Variants in COL8A1 observed in about 807,000 individuals in gnomAD.
COL8A1 encodes the protein collagen type VIII alpha 1 chain.
In COL8A1, 21 loss-of-function variants were observed where a neutral mutation model predicts 42.7. The observed-to-expected ratio is 0.49, with a 90% CI of 0.35 to 0.71. COL8A1 has a LOEUF of 0.71. Ranked by LOEUF, COL8A1 falls within the 30% of genes least tolerant of loss-of-function variation. The pLI, the probability that COL8A1 is intolerant of heterozygous loss-of-function variation, is 0.01. For missense variants in COL8A1, 788 were observed against 962.4 expected, an observed-to-expected ratio of 0.82 and a Z score of 2.40; for synonymous variants, 367 against 369.1, an observed-to-expected ratio of 0.99 and a Z score of 0.06.
chr3:99,662,547 A>G (rs1938240732), intron 1 of COL8A1, among the ~76,000 whole-genome samples: 1 of 152,150 alleles, frequency 6.6e-6, no homozygotes, highest in African/African-American at 2.4e-5. Flanking sequence ...GATATATTTG[A>G]TCTATCTTTT....
intron 1 of COL8A1, among the ~76,000 whole-genome samples, chr3:99,712,858 A>T (rs1262007837): frequency 6.6e-6 from 1 of 152,098 alleles, no homozygotes; most frequent in East Asian, 1.9e-4. Flanking sequence ...ATTGAGCCAT[A>T]AAGGCAACTG....
intron 2 of COL8A1, among the ~76,000 whole-genome samples, chr3:99,751,737 C>T (rs1402435379): frequency 2.0e-5 from 3 of 152,102 alleles, no homozygotes; most frequent in South Asian, 2.1e-4. Flanking sequence ...GAAGGAAAGA[C>T]GCTAACAGTG....
intron 2 of COL8A1, among the ~76,000 whole-genome samples, chr3:99,759,579 A>C (rs1941326573): frequency 6.6e-6 from 1 of 152,218 alleles, no homozygotes; most frequent in African/African-American, 2.4e-5. Context: ...TCCATGTTCA[A>C]ACATAAGTAA....
chr3:99,655,564 G>T (rs1021915519), intron 1 of COL8A1, among the ~76,000 whole-genome samples: 1 of 152,142 alleles, frequency 6.6e-6, no homozygotes, highest in Admixed American at 6.5e-5. Flanking sequence ...ACTCGCTGGA[G>T]AAAAACTAAA....
intron 1 of COL8A1, among the ~76,000 whole-genome samples, chr3:99,726,114 G>C (rs1055127962): frequency 2.6e-5 from 4 of 152,108 alleles, no homozygotes; most frequent in Admixed American, 6.5e-5. Context: ...ATTCTAACTG[G>C]TGTGAGATGG....
At chr3:99,669,901 A>G (rs1332679733) in intron 1 of COL8A1, among the ~76,000 whole-genome samples, 1 of 152,038 alleles carries the variant, frequency 6.6e-6, no homozygotes, top group Admixed American at 6.6e-5. Flanking sequence ...TACATAGAGT[A>G]ATGATGAAAT....
intron 1 of COL8A1, among the ~76,000 whole-genome samples, chr3:99,710,158 T>C (rs1939795408): frequency 6.6e-6 from 1 of 152,170 alleles, no homozygotes; most frequent in African/African-American, 2.4e-5. Flanking sequence ...TTCTGAGTTA[T>C]ATGTTAAACT....
chr3:99,659,412 G>T (rs1938131549), intron 1 of COL8A1, among the ~76,000 whole-genome samples: 1 of 152,118 alleles, frequency 6.6e-6, no homozygotes, highest in Admixed American at 6.5e-5. Context: ...TATTTAATCA[G>T]CAGTGAATAA....
intron 1 of COL8A1, among the ~76,000 whole-genome samples, chr3:99,645,712 A>AT (rs1937629257): frequency 6.6e-6 from 1 of 151,648 alleles, no homozygotes; most frequent in Non-Finnish European, 1.5e-5. Context: ...AAAAAAAAAA[A>AT]TCCTAATTTA....
intron 2 of COL8A1, among the ~76,000 whole-genome samples, chr3:99,753,440 G>A (rs1241640602): frequency 2.6e-5 from 4 of 152,188 alleles, no homozygotes; most frequent in Non-Finnish European, 5.9e-5. Context: ...GCTGACTGGA[G>A]TTTTGTTAAA....
At chr3:99,658,197 C>T (rs541572107) in intron 1 of COL8A1, among the ~76,000 whole-genome samples, 1 of 152,220 alleles carries the variant, frequency 6.6e-6, no homozygotes, top group East Asian at 1.9e-4. Context: ...CCATCTCAGG[C>T]CTTCATCATC....
intron 2 of COL8A1, among the ~76,000 whole-genome samples, chr3:99,773,815 G>GTGTATATATATATATATA (rs1403823634): frequency 2.2e-4 from 8 of 35,896 alleles, no homozygotes; most frequent in Non-Finnish European, 3.0e-4. Flanking sequence ...ATATATGTGT[G>GTGTATATATATATATATA]TATATATATA....
chr3:99,699,965 T>C (rs557964632), intron 1 of COL8A1, among the ~76,000 whole-genome samples: 1 of 152,270 alleles, frequency 6.6e-6, no homozygotes, highest in Admixed American at 6.5e-5. Context: ...AATAATTAGA[T>C]GAATAAAAAA....
At chr3:99,753,239 G>A (rs1330883249) in intron 2 of COL8A1, among the ~76,000 whole-genome samples, 1 of 152,150 alleles carries the variant, frequency 6.6e-6, no homozygotes, top group Non-Finnish European at 1.5e-5. Context: ...CTGGCAGGGG[G>A]ACCACACTTT....
At chr3:99,672,873 A>T (rs1559774495) in intron 1 of COL8A1, among the ~76,000 whole-genome samples, 1 of 151,952 alleles carries the variant, frequency 6.6e-6, no homozygotes, top group Non-Finnish European at 1.5e-5. Context: ...AGCTCTATAC[A>T]TTTCACCAGT....
chr3:99,658,773 C>T (rs937236493), intron 1 of COL8A1, among the ~76,000 whole-genome samples: 3 of 152,226 alleles, frequency 2.0e-5, no homozygotes, highest in Non-Finnish European at 4.4e-5. Flanking sequence ...ACGTCTTTAG[C>T]AACCAACAGT....
chr3:99,777,598 G>C (rs1285767391), intron 2 of COL8A1, among the ~76,000 whole-genome samples: 2 of 152,172 alleles, frequency 1.3e-5, no homozygotes, highest in Non-Finnish European at 2.9e-5. Context: ...TCTCTTTATA[G>C]TGTAAATATC....
intron 1 of COL8A1, among the ~76,000 whole-genome samples, chr3:99,714,556 T>A (rs1166992303): frequency 6.6e-6 from 1 of 152,088 alleles, no homozygotes; most frequent in Non-Finnish European, 1.5e-5. Flanking sequence ...ATACTCTGCA[T>A]CCTACTGGCC....
In COL8A1 at chr3:99,794,507, T is replaced by A; in HGVS notation, c.606T>A (p.His202Gln). The A allele has an allele frequency of 6.2e-7, 1 of 1,613,892 alleles. No individual in the cohort carries two copies. Among genetic ancestry groups the A allele is most frequent in the Non-Finnish European group, 8.5e-7 (1 of 1,179,916 alleles). The change falls in exon 4 of 4, where the codon CAT becomes CAA. Residue 202 changes from histidine to glutamine, a missense_variant. By Grantham distance (24) the His-to-Gln change is conservative. Around this residue, in one of 4 missense-constraint regions of COL8A1, gnomAD observed 421 missense variants for 553.1 expected, o/e 0.76. Transcript: ENST00000652472. The surrounding 1 kb of genome is among the most constrained non-coding windows in gnomAD (Gnocchi z 4.3). ...IPGPQGPPGP[H>Q]GLPGIGKPGG... Reference sequence around the variant, plus strand: ...GACCACAAGGACCTCCAGGGCCTCATGGACTTCCTGGCATTGGGAAGCCAG... The same window carrying A: ...GACCACAAGGACCTCCAGGGCCTCAAGGACTTCCTGGCATTGGGAAGCCAG...
Sources: gnomAD v4.1 joint callset for allele counts (sites outside exome capture counted in the v4.1 genomes callset) on GRCh38, gnomAD v4.1.1 for gene constraint, gnomAD v4.1.1 regional missense constraint, Gnocchi (gnomAD v3.1) non-coding constraint, MANE v1.5 for transcripts, NCBI Gene and HGNC (gene_info 2026-07-23, HGNC 2026-07-21) for gene names.